Variants in CPVL observed in about 807,000 individuals in gnomAD.
CPVL encodes the protein carboxypeptidase vitellogenic like.
Under a neutral mutation model 63.7 loss-of-function variants are expected in CPVL, and 51 were observed. The ratio of observed to expected loss-of-function variants is 0.80; its 90% CI spans 0.64 to 1.01. The LOEUF (loss-of-function observed/expected upper bound fraction) is 1.01, where lower values mean the gene tolerates loss of function less well. CPVL is among the 50% of genes least tolerant of loss of function. The pLI is 0.00. For synonymous variants in CPVL, 195 were observed against 206.0 expected, an observed-to-expected ratio of 0.95 and a Z score of 0.46; for missense variants, 530 against 573.1, an observed-to-expected ratio of 0.92 and a Z score of 0.77.
chr7:29,021,907 G>A lies in CPVL; in HGVS notation c.1320+8670C>T, dbSNP rs576359432. 5.3e-5 allele frequency among the ~76,000 whole-genome samples: 8 copies of A among 152,152 alleles called. No individual in the cohort carries two copies. The South Asian group carries it at 6.2e-4, about 12-fold the overall frequency. On this transcript the variant is annotated intron_variant, in intron 12 of 12. Transcript: ENST00000265394. ...TCTACTCAAAGGTTTACAGCATCAC[G>A]ATACTGGCTGGAGCCAGCAGTGCAG...
intron 11 of CPVL, among the ~76,000 whole-genome samples, chr7:29,037,954 G>A (rs1353803164): frequency 1.3e-5 from 2 of 152,114 alleles, no homozygotes; most frequent in African/African-American, 2.4e-5. Flanking sequence ...GGGCAAATAG[G>A]ATACCAAACC....
chr7:29,068,236 C>T (rs771419244), intron 9 of CPVL, among the ~76,000 whole-genome samples: 15 of 151,976 alleles, frequency 9.9e-5, no homozygotes, highest in Non-Finnish European at 2.2e-4. Context: ...AGGCTGGTCT[C>T]GAACTCCTGA....
intron 1 of CPVL, among the ~76,000 whole-genome samples, chr7:29,133,393 G>A (rs1790893543): frequency 6.6e-6 from 1 of 152,178 alleles, no homozygotes; most frequent in South Asian, 2.1e-4. Context: ...TGTAATTTGT[G>A]TTTTCATAGA....
chr7:29,180,332 C>T (rs1285052728), intron 5 of CPVL, among the ~76,000 whole-genome samples: 1 of 152,104 alleles, frequency 6.6e-6, no homozygotes, highest in East Asian at 1.9e-4. Context: ...TTGAGACCGT[C>T]CTGACTAACA....
chr7:29,138,326 GC>G (rs1339132936), intron 1 of CPVL, among the ~76,000 whole-genome samples: 1 of 152,164 alleles, frequency 6.6e-6, no homozygotes, highest in Admixed American at 6.5e-5. Context: ...TGTAATCCCA[GC>G]TATTCAGGAG....
intron 1 of CPVL, among the ~76,000 whole-genome samples, chr7:29,190,012 C>T (rs1472902005): frequency 1.3e-5 from 2 of 152,250 alleles, no homozygotes; most frequent in African/African-American, 4.8e-5. Context: ...CTACCTGCGG[C>T]GTCTGAGCTG....
intron 2 of CPVL, among the ~76,000 whole-genome samples, chr7:29,185,928 G>GA (rs1171590186): frequency 6.6e-6 from 1 of 152,174 alleles, no homozygotes; most frequent in Non-Finnish European, 1.5e-5. Context: ...AGCTTTTAGG[G>GA]ATAGGGAAAC....
intron 11 of CPVL, among the ~76,000 whole-genome samples, chr7:29,057,752 G>A (rs1192018378): frequency 6.6e-6 from 1 of 152,090 alleles, no homozygotes; most frequent in Non-Finnish European, 1.5e-5. Flanking sequence ...ACCATTTGTT[G>A]TAAAGACTAT....
chr7:29,090,778 C>G (rs573313319), intron 6 of CPVL, among the ~76,000 whole-genome samples: 1 of 152,124 alleles, frequency 6.6e-6, no homozygotes, highest in Admixed American at 6.5e-5. Context: ...ACATCTTGTT[C>G]GTGAAAAAGT....
At chr7:29,182,253 C>T (rs1300026081) in intron 4 of CPVL, among the ~76,000 whole-genome samples, 3 of 152,050 alleles carry the variant, frequency 2.0e-5, no homozygotes, top group African/African-American at 4.8e-5. Context: ...AAAATAGGAG[C>T]GCAGAGGAAG....
intron 3 of CPVL, among the ~76,000 whole-genome samples, chr7:29,105,827 C>T (rs551879734): frequency 1.2e-4 from 18 of 152,282 alleles, no homozygotes; most frequent in African/African-American, 4.3e-4. Context: ...GGCCAAAGAC[C>T]AGAATGCTGG....
chr7:29,172,071 A>T (rs1796675979), intron 5 of CPVL, among the ~76,000 whole-genome samples: 1 of 152,198 alleles, frequency 6.6e-6, no homozygotes, highest in African/African-American at 2.4e-5. Flanking sequence ...GCCAAATCAG[A>T]TGTAGGGTCA....
intron 3 of CPVL, among the ~76,000 whole-genome samples, chr7:29,097,128 T>C (rs752343276): frequency 6.6e-6 from 1 of 151,114 alleles, no homozygotes; most frequent in Non-Finnish European, 1.5e-5. Context: ...CTGAACAAGG[T>C]ACAGATTTAT....
chr7:29,040,225 C>G (rs1315576801), intron 11 of CPVL, among the ~76,000 whole-genome samples: 3 of 152,104 alleles, frequency 2.0e-5, no homozygotes, highest in African/African-American at 7.2e-5. Flanking sequence ...TTCTTTTGGA[C>G]TGAAGCAATT....
chr7:29,095,174 G>C, intron 4 of CPVL, 32 bp from the exon 5 acceptor site: 3 of 1,590,798 alleles, frequency 1.9e-6, no homozygotes, highest in Non-Finnish European at 2.6e-6. Flanking sequence ...GTGAGATAGA[G>C]TCGTGGACAA....
intron 1 of CPVL, among the ~76,000 whole-genome samples, chr7:29,187,063 T>C (rs1314941919): frequency 6.6e-6 from 1 of 152,142 alleles, no homozygotes; most frequent in African/African-American, 2.4e-5. Flanking sequence ...TCCTGGCACA[T>C]AGGAAATGAT....
upstream of CPVL, chr7:29,148,527 A>C (rs1455844835): frequency 6.6e-6 from 1 of 152,266 alleles, no homozygotes; most frequent in African/African-American, 2.4e-5. Context: ...TATGGCATAC[A>C]TTAACCAGAA....
chr7:28,999,392 A>C (rs774858338), intron 12 of CPVL, among the ~76,000 whole-genome samples: 1 of 152,192 alleles, frequency 6.6e-6, no homozygotes, highest in Admixed American at 6.5e-5. Context: ...TGTTGTTCCA[A>C]CTGCTTGTTG....
intron 3 of CPVL, among the ~76,000 whole-genome samples, chr7:29,110,417 C>A (rs530769265): frequency 6.6e-6 from 1 of 152,116 alleles, no homozygotes; most frequent in Non-Finnish European, 1.5e-5. Flanking sequence ...TGGTAAAAGG[C>A]GTGTTGGTCA....
Sources: allele counts gnomAD v4.1 joint callset (sites outside exome capture counted in the v4.1 genomes callset), GRCh38; gene constraint gnomAD v4.1.1; transcripts MANE v1.5; gene names NCBI Gene and HGNC (gene_info 2026-07-23, HGNC 2026-07-21).